ATP13A5: variants seen among roughly 807,000 people sequenced by gnomAD.
The protein encoded by ATP13A5 is ATPase 13A5, also known as probable cation-transporting ATPase 13A5.
Under a neutral mutation model 150.2 loss-of-function variants are expected in ATP13A5, and 149 were observed. The ratio of observed to expected loss-of-function variants is 0.99; its 90% CI spans 0.87 to 1.14. The LOEUF (loss-of-function observed/expected upper bound fraction) is 1.14. ATP13A5 is among the 50% of genes most tolerant of loss of function. The probability of loss-of-function intolerance (pLI) is 0.00; values close to 1 mark genes in which losing one functional copy is unlikely to be tolerated. For synonymous variants in ATP13A5, 497 were observed against 522.2 expected, an observed-to-expected ratio of 0.95 and a Z score of 0.66; for missense variants, 1,383 against 1,449.3, an observed-to-expected ratio of 0.95 and a Z score of 0.74.
chr3:193,292,677 C>T (rs1289886190), intron 25 of ATP13A5, among the ~76,000 whole-genome samples: 1 of 152,146 alleles, frequency 6.6e-6, no homozygotes, highest in Non-Finnish European at 1.5e-5. Flanking sequence ...CCAAGATCAA[C>T]TGATCTACAT....
intron 7 of ATP13A5, among the ~76,000 whole-genome samples, chr3:193,345,677 A>G (rs1023100779): frequency 6.6e-6 from 1 of 152,168 alleles, no homozygotes; most frequent in Non-Finnish European, 1.5e-5. Context: ...TAACAGACGC[A>G]TAAGTTAGGT....
Position 193,324,961 on chromosome 3 carries a change from A to G in ATP13A5, c.1577T>C (p.Leu526Pro). The G allele has an allele frequency of 6.2e-7, 1 of 1,614,042 alleles. No individual in the cohort carries two copies. Among genetic ancestry groups the G allele is most frequent in the Non-Finnish European group, 8.5e-7 (1 of 1,179,936 alleles). ...GTGGCAGCTGGCCATGGCCGCACACAGTGGGCTCCATGGCACAGCCTGGCC... is the reference window on the plus strand; with the variant it reads ...GTGGCAGCTGGCCATGGCCGCACACGGTGGGCTCCATGGCACAGCCTGGCC... ...ASGQAVPWSP[L>P]CAAMASCHSL... Residue 526 changes from leucine to proline, a missense_variant, in exon 14 of 30, where the codon CTG becomes CCG. By Grantham distance (98) the Leu-to-Pro change is moderately conservative. This residue lies in a region of ATP13A5 where 787 missense variants were observed against 771.9 expected (regional missense o/e 1.02). Coordinates refer to ENST00000342358, the MANE Select transcript of ATP13A5 (RefSeq NM_198505.4).
chr3:193,365,758 T>C (rs1713216798), intron 1 of ATP13A5, among the ~76,000 whole-genome samples: 1 of 152,092 alleles, frequency 6.6e-6, no homozygotes, highest in Non-Finnish European at 1.5e-5. Context: ...TTCTGTTTAT[T>C]TGTATACAGT....
chr3:193,275,375 G>A, intron 29 of ATP13A5, 73 bp from the exon 30 acceptor site: 2 of 1,537,240 alleles, frequency 1.3e-6, no homozygotes, highest in Non-Finnish European at 8.8e-7. Context: ...GGCCACCACA[G>A]CCACCTCCTT....
intron 14 of ATP13A5, among the ~76,000 whole-genome samples, chr3:193,322,982 C>T (rs1719338517): frequency 6.6e-6 from 1 of 152,258 alleles, no homozygotes; most frequent in South Asian, 2.1e-4. Context: ...CATACTATAC[C>T]TATGCTACTA....
At chr3:193,328,489 G>A (rs1711507729) in intron 12 of ATP13A5, among the ~76,000 whole-genome samples, 1 of 152,156 alleles carries the variant, frequency 6.6e-6, no homozygotes, top group African/African-American at 2.4e-5. Context: ...ATGTTTTCCT[G>A]ATGATGTTTT....
chr3:193,327,153 G>T (rs1719495405), intron 12 of ATP13A5, 96 bp from the exon 13 acceptor site: 1 of 1,089,988 alleles, frequency 9.2e-7, no homozygotes, highest in East Asian at 2.7e-5. Flanking sequence ...TATTATAGTA[G>T]ATCCAGTAGT....
chr3:193,353,288 T>C (rs1712638356), intron 6 of ATP13A5, among the ~76,000 whole-genome samples: 1 of 146,516 alleles, frequency 6.8e-6, no homozygotes, highest in Non-Finnish European at 1.5e-5. Flanking sequence ...GAAAAATTGA[T>C]GGGGAAAGTG....
rs367797670 is a variant in ATP13A5 at position 193,333,747 on chromosome 3, T to C, written c.1272+3A>G. ...ATTGAAAAGCCTTACCCCCAGTACT[T>C]ACTCCATGGTACATATATACCCCTA... On this transcript the variant is annotated splice_donor_region_variant and intron_variant, in intron 11 of 29. Coordinates refer to ENST00000342358, the MANE Select transcript of ATP13A5 (RefSeq NM_198505.4). 116 of 1,612,546 alleles carry C rather than the reference T, an allele frequency of 7.2e-5. No homozygotes were observed. Among genetic ancestry groups the C allele is most frequent in the Non-Finnish European group, 9.6e-5 (113 of 1,179,314 alleles).
intron 1 of ATP13A5, among the ~76,000 whole-genome samples, chr3:193,367,364 A>C (rs1039458288): frequency 4.6e-5 from 7 of 152,072 alleles, no homozygotes; most frequent in African/African-American, 1.7e-4. Flanking sequence ...CCCTGCAAAG[A>C]AATCGTCAAG....
At chr3:193,314,778 C>T (rs1718984988) in intron 18 of ATP13A5, among the ~76,000 whole-genome samples, 194 bp downstream of exon 18, 1 of 152,166 alleles carries the variant, frequency 6.6e-6, no homozygotes, top group East Asian at 1.9e-4. Flanking sequence ...GGATGAGATA[C>T]GGTCCCTACC....
chr3:193,309,592 A>C (rs1718760179), intron 21 of ATP13A5, among the ~76,000 whole-genome samples: 1 of 152,142 alleles, frequency 6.6e-6, no homozygotes. Context: ...GGGTGATGAG[A>C]CTGGCATATA....
intron 1 of ATP13A5, among the ~76,000 whole-genome samples, chr3:193,377,135 G>C (rs556480125): frequency 4.6e-5 from 7 of 152,294 alleles, no homozygotes; most frequent in South Asian, 2.1e-4. Flanking sequence ...AAAGCAACTA[G>C]TTAGAGAAGA....
At chr3:193,352,110 CCT>C (rs1712586345) in intron 6 of ATP13A5, among the ~76,000 whole-genome samples, 2 of 152,170 alleles carry the variant, frequency 1.3e-5, no homozygotes, top group South Asian at 4.1e-4. Flanking sequence ...TTCTCTCTTA[CCT>C]CTGTTTTCTA....
At position 193,364,098 on chromosome 3, in the gene ATP13A5, G is replaced by A. The variant is rs557009923; in HGVS notation, c.237+9C>T. The A allele has an allele frequency of 1.2e-6, 2 of 1,613,516 alleles. No individual in the cohort carries two copies. The highest frequency in any genetic ancestry group is 2.7e-5 in the African/African-American group (2 of 74,994). On this transcript the variant is annotated intron_variant, in intron 2 of 29. Coordinates refer to ENST00000342358, the MANE Select transcript of ATP13A5 (RefSeq NM_198505.4). ...TGGCTTTCAAAATAGAAAACAGAAA[G>A]GCACGCACTGTTGTCCTCAGCAAAA...
At chr3:193,377,472 CT>C (rs531099439) in intron 1 of ATP13A5, among the ~76,000 whole-genome samples, 2 of 152,038 alleles carry the variant, frequency 1.3e-5, no homozygotes, top group African/African-American at 2.4e-5. Flanking sequence ...AGATGTTTTA[CT>C]TTTTTTTACT....
At chr3:193,349,874 T>G (rs1712496507) in intron 7 of ATP13A5, among the ~76,000 whole-genome samples, 1 of 152,154 alleles carries the variant, frequency 6.6e-6, no homozygotes, top group Non-Finnish European at 1.5e-5. Context: ...TATGCCTTGA[T>G]GCAGTAACCT....
intron 14 of ATP13A5, among the ~76,000 whole-genome samples, chr3:193,322,966 G>A (rs1188595864): frequency 6.6e-6 from 1 of 152,188 alleles, no homozygotes. Context: ...CATGGCACTA[G>A]TTCTTCATAC....
At chr3:193,377,965 G>T (rs905435058) in intron 1 of ATP13A5, among the ~76,000 whole-genome samples, 3 of 152,116 alleles carry the variant, frequency 2.0e-5, no homozygotes, top group Non-Finnish European at 4.4e-5. Flanking sequence ...AATTAAATAG[G>T]ATTAGTTCTT....
Sources: gnomAD v4.1 joint callset for allele counts (sites outside exome capture counted in the v4.1 genomes callset) on GRCh38, gnomAD v4.1.1 for gene constraint, gnomAD v4.1.1 regional missense constraint, MANE v1.5 for transcripts, NCBI Gene and HGNC (gene_info 2026-07-23, HGNC 2026-07-21) for gene names.